PCDHGB6: variants seen among roughly 807,000 people sequenced by gnomAD.
PCDHGB6 encodes the protein protocadherin gamma-B6.
In PCDHGB6, 51 loss-of-function variants were observed where a neutral mutation model predicts 59.1. That is an observed-to-expected ratio of 0.86 (90% confidence interval 0.69 to 1.09). PCDHGB6 has a LOEUF of 1.09. Ranked by LOEUF, PCDHGB6 falls within the 50% of genes least tolerant of loss-of-function variation. PCDHGB6 has a pLI of 0.00. For synonymous variants in PCDHGB6, 466 were observed against 495.1 expected (o/e 0.94, Z 0.78); for missense variants, 1,148 against 1,205.1 (o/e 0.95, Z 0.70).
chr5:141,438,368 G>A (rs1216571092), intron 1 of PCDHGB6, among the ~76,000 whole-genome samples: 2 of 151,558 alleles, frequency 1.3e-5, no homozygotes, highest in African/African-American at 4.8e-5. Context: ...GTCATTGAGG[G>A]CAGATATAAT....
Position 141,486,676 on chromosome 5 carries a change from T to A in PCDHGB6, c.2419-8131T>A, listed in dbSNP as rs375080564. On this transcript the variant is annotated intron_variant, in intron 1 of 3. Coordinates refer to ENST00000520790, the MANE Select transcript of PCDHGB6 (RefSeq NM_018926.3). This position sits in a 1 kb window ranked among gnomAD's most constrained non-coding sequence, Gnocchi z 5.0. ...CACTCCTGGAGCCCAGGAATCGAGA[T>A]GTATCAGCTTCCTCTTTCATCTCTC... 3 of 1,614,002 alleles carry A rather than the reference T, an allele frequency of 1.9e-6. No homozygotes were observed. The highest frequency in any genetic ancestry group is 2.5e-6 in the Non-Finnish European group (3 of 1,180,036).
intron 1 of PCDHGB6, chr5:141,442,416 T>A (rs2098323395): frequency 6.6e-6 from 1 of 152,206 alleles, no homozygotes; most frequent in Non-Finnish European, 1.5e-5. Flanking sequence ...CTGAGTGAAC[T>A]TCTTTTTTGA....
chr5:141,478,599 T>A, intron 1 of PCDHGB6: 1 of 1,565,814 alleles, frequency 6.4e-7, no homozygotes, highest in Non-Finnish European at 8.7e-7. Flanking sequence ...TATTCCTACA[T>A]CATATTGAGG....
chr5:141,439,889 C>T (rs997306014), intron 1 of PCDHGB6: 1 of 152,348 alleles, frequency 6.6e-6, no homozygotes, highest in Admixed American at 6.5e-5. Context: ...CTGGGTAGAA[C>T]CAAGGCGACT....
chr5:141,505,633 A>C, intron 3 of PCDHGB6, 152 bp downstream of exon 3: 3 of 1,471,286 alleles, frequency 2.0e-6, no homozygotes, highest in South Asian at 1.3e-5. Context: ...TCCAAACATA[A>C]AGCCTGGAAT....
intron 1 of PCDHGB6, chr5:141,423,492 C>T (rs2154550191): frequency 1.2e-6 from 2 of 1,613,972 alleles, no homozygotes; most frequent in East Asian, 4.5e-5. Context: ...AAACCTATTC[C>T]CACGAGGTCT....
rs1369332920 is a variant in PCDHGB6 at position 141,410,174 on chromosome 5, G to A, written c.1972G>A (p.Ala658Thr). 4 of 1,613,588 alleles carry A rather than the reference G, an allele frequency of 2.5e-6. No homozygotes were observed. Among genetic ancestry groups the A allele is most frequent in the East Asian group, 2.2e-5 (1 of 44,866 alleles). The change falls in exon 1 of 4, where the codon GCC becomes ACC. Residue 658 changes from alanine to threonine, a missense_variant. This residue lies in a region of PCDHGB6 where 549 missense variants were observed against 527.5 expected (regional missense o/e 1.04). Transcript: ENST00000520790. ...TGGACAGCCGCCACTCTCTGCCACC[G>A]CCACGCTTCATCTGGTCTTCGCAGA... ...DGGQPPLSAT[A>T]TLHLVFADNL...
At chr5:141,423,228 C>G (rs1321708353) in intron 1 of PCDHGB6, 5 of 1,613,866 alleles carry the variant, frequency 3.1e-6, no homozygotes, top group Non-Finnish European at 2.5e-6. Context: ...CTGTGGCCGA[C>G]AGCATCCCCG....
rs747077639 is a variant in PCDHGB6, at chr5:141,432,371, G to C, written c.2418+21751G>C. 2 of 1,614,234 alleles carry C rather than the reference G, an allele frequency of 1.2e-6. No individual in the cohort carries two copies. The highest frequency in any genetic ancestry group is 1.6e-4 in the Middle Eastern group (1 of 6,062). ...AGTGAAAGTGATGGCGCGGGACAAC[G>C]GGCACCCGCCCCTCAGCAGCAACGT... On this transcript the variant is annotated intron_variant, in intron 1 of 3. Transcript: ENST00000520790. The surrounding 1 kb of genome is among the most constrained non-coding windows in gnomAD (Gnocchi z 6.0).
chr5:141,431,206 G>A lies in PCDHGB6; in HGVS notation c.2418+20586G>A, dbSNP rs17097300. On this transcript the variant is annotated intron_variant, in intron 1 of 3. Coordinates refer to ENST00000520790, the MANE Select transcript of PCDHGB6 (RefSeq NM_018926.3). The surrounding 1 kb of genome is among the most constrained non-coding windows in gnomAD (Gnocchi z 4.8). ...AAATTAGTGAAAATGCAGCCACTGA[G>A]ATGCGGTTCCCTCTACCCCACGCCT... The A allele has an allele frequency of 0.041, 66,767 of 1,614,172 alleles. 3,763 individuals carry two copies. Among genetic ancestry groups the A allele is most frequent in the Admixed American group, 0.27 (16,026 of 60,028 alleles).
Position 141,476,511 on chromosome 5 carries a change from A to G in PCDHGB6, c.2419-18296A>G, listed in dbSNP as rs1562054650. Reference sequence around the variant, plus strand: ...GTGATCCAGGACATCAACGACAACAATCCTGCTTTCCCTACCCAGGAAATG... The same window carrying G: ...GTGATCCAGGACATCAACGACAACAGTCCTGCTTTCCCTACCCAGGAAATG... On this transcript the variant is annotated intron_variant, in intron 1 of 3. Transcript: ENST00000520790. The surrounding 1 kb of genome is among the most constrained non-coding windows in gnomAD (Gnocchi z 7.6). The G allele has an allele frequency of 5.0e-6, 8 of 1,613,902 alleles. No individual in the cohort carries two copies. The highest frequency in any genetic ancestry group is 6.8e-6 in the Non-Finnish European group (8 of 1,179,960).
intron 2 of PCDHGB6, 141 bp downstream of exon 2, chr5:141,495,006 G>C (rs1030195663): frequency 2.0e-6 from 3 of 1,521,446 alleles, no homozygotes; most frequent in Non-Finnish European, 8.8e-7. Flanking sequence ...CTTGGTGTGC[G>C]GGGGGCTGGC....
intron 1 of PCDHGB6, among the ~76,000 whole-genome samples, chr5:141,433,664 C>G (rs1027404017): frequency 6.6e-6 from 1 of 151,966 alleles, no homozygotes; most frequent in South Asian, 2.1e-4. Flanking sequence ...GGAGAAACCC[C>G]GTCTATACTA....
At chr5:141,422,127 A>G (rs779974245) in intron 1 of PCDHGB6, 1 of 1,600,944 alleles carries the variant, frequency 6.2e-7, no homozygotes. Context: ...CACAAACTGG[A>G]GAAGTTCAAG....
At chr5:141,413,729 G>C (rs2095671676) in intron 1 of PCDHGB6, 1 of 1,613,378 alleles carries the variant, frequency 6.2e-7, no homozygotes, top group Non-Finnish European at 8.5e-7. Flanking sequence ...TTCTCCCTAA[G>C]AGTTCAGAGC....
chr5:141,511,428 G>T lies in PCDHGB6; in HGVS notation c.*255G>T. 1 of 769,024 alleles carries T rather than the reference G, an allele frequency of 1.3e-6. No homozygotes were observed. The highest frequency in any genetic ancestry group is 2.0e-6 in the Non-Finnish European group (1 of 504,448). 47.6% of individuals were successfully genotyped at this position (769,024 alleles called of 1,614,324 possible). ...ACTGCTGTACCCATGGGGGTAGTGG[G>T]GTTACTGTAGACACCAAGAACCATT... On this transcript the variant is annotated 3_prime_UTR_variant, in exon 4 of 4. Transcript: ENST00000520790.
Position 141,512,270 on chromosome 5 carries a change from G to C in PCDHGB6, c.*1097G>C, listed in dbSNP as rs1188941232. On this transcript the variant is annotated 3_prime_UTR_variant, in exon 4 of 4. Transcript: ENST00000520790. ...TCTGTGGGTGCTGGGTACTCCAGAG[G>C]TGCCACTGGTGGAAGGGTCAGCGGA... 6.5e-6 allele frequency: 1 copy of C among 152,714 alleles called. No homozygotes were observed. The highest frequency in any genetic ancestry group is 2.4e-5 in the African/African-American group (1 of 41,452). The allele number at this position is 152,714 out of a possible 1,614,324, so 9.5% of individuals were successfully genotyped here. A position where few individuals can be genotyped will look rare whatever the true frequency, so the allele number is the denominator to read the frequency against.
In PCDHGB6 at chr5:141,505,470, C is replaced by G; in HGVS notation, c.2555C>G (p.Ala852Gly). 6.2e-7 allele frequency: 1 copy of G among 1,614,186 alleles called. No individual in the cohort carries two copies. Among genetic ancestry groups the G allele is most frequent in the Non-Finnish European group, 8.5e-7 (1 of 1,180,002 alleles). Residue 852 changes from alanine to glycine, a missense_variant, in exon 3 of 4, where the codon GCG (alanine) becomes GGG (glycine). Ala to Gly is a moderately conservative substitution (Grantham distance 60). Transcript: ENST00000520790. ...GAGATGCTGCAAGCCATGATCTTGG[C>G]GTCCGCCAGTGGTAAGTGGTGTCAG... The part of the protein sequence containing the change: ...DTEMLQAMIL[A>G]SASEAADGSS...
chr5:141,511,041 C>T lies in PCDHGB6; in HGVS notation c.2661C>T (p.Pro887=), dbSNP rs1421629777. 1.5e-5 allele frequency: 24 copies of T among 1,614,076 alleles called. No individual in the cohort carries two copies. The highest frequency in any genetic ancestry group is 5.5e-5 in the South Asian group (5 of 91,092). Residue 887 remains proline, a synonymous_variant, in exon 4 of 4, where the codon CCC becomes CCT. Transcript: ENST00000520790. The part of the protein sequence containing the change: ...YGPQFTLQHV[P]DYRQNVYIPG... ...CCCAGTTCACCCTGCAGCACGTGCCCGACTACCGCCAGAATGTCTACATCC... is the reference window on the plus strand; with the variant it reads ...CCCAGTTCACCCTGCAGCACGTGCCTGACTACCGCCAGAATGTCTACATCC...
Sources: gnomAD v4.1 joint callset for allele counts (sites outside exome capture counted in the v4.1 genomes callset) on GRCh38, gnomAD v4.1.1 for gene constraint, gnomAD v4.1.1 regional missense constraint, Gnocchi (gnomAD v3.1) non-coding constraint, MANE v1.5 for transcripts, NCBI Gene and HGNC (gene_info 2026-07-23, HGNC 2026-07-21) for gene names.